The following GPS1 variants were observed in gnomAD, a reference collection of about 807,000 sequenced individuals.
The protein encoded by GPS1 is G protein pathway suppressor 1.
In GPS1, 11 loss-of-function variants were observed where a neutral mutation model predicts 60.0. The observed-to-expected ratio is 0.18, with a 90% CI of 0.12 to 0.30. GPS1 has a LOEUF of 0.30. Among genes scored for constraint, GPS1 ranks in the 10% least tolerant of loss-of-function variants. The pLI, the probability that GPS1 is intolerant of heterozygous loss-of-function variation, is 1.00. For synonymous variants in GPS1, 343 were observed against 269.8 expected (o/e 1.27, Z -2.66); for missense variants, 543 against 669.2 (o/e 0.81, Z 2.08).
At chr17:82,052,360 C>A (rs1252729102) in intron 1 of GPS1, 3 of 1,612,660 alleles carry the variant, frequency 1.9e-6, no homozygotes, top group Non-Finnish European at 2.5e-6. Context: ...CAGATCTGTA[C>A]TGCACCCCTC....
At position 82,056,464 on chromosome 17, in the gene GPS1, C is replaced by T. The variant is rs761392623; in HGVS notation, c.1036-6C>T. ...CTGTCCTGGTCCTGACCAGCCCCTT[C>T]CCCAGGACAACCTGCTCCTGGACAT... is the stretch of plus-strand genomic sequence containing the variant. On this transcript the variant is annotated splice_region_variant and splice_polypyrimidine_tract_variant and intron_variant, in intron 9 of 12. Coordinates refer to ENST00000578552, the MANE Select transcript of GPS1 (RefSeq NM_001321092.3). 4.3e-6 allele frequency: 7 copies of T among 1,613,150 alleles called. No individual in the cohort carries two copies. The highest frequency in any genetic ancestry group is 5.9e-6 in the Non-Finnish European group (7 of 1,179,972).
chr17:82,055,714 TCCCCG>T, intron 6 of GPS1, 21 bp from the exon 7 acceptor site: 1 of 612,336 alleles, frequency 1.6e-6, no homozygotes, highest in Non-Finnish European at 2.8e-6. Context: ...CTCTCCCCCC[TCCCCG>T]CCCCCGGCTC....
upstream of GPS1, chr17:82,051,242 G>C: frequency 7.5e-7 from 1 of 1,330,484 alleles, no homozygotes; most frequent in Non-Finnish European, 9.6e-7. This position sits in a 1 kb window ranked among gnomAD's most constrained non-coding sequence, Gnocchi z 4.1. Context: ...TTCGGAGCGA[G>C]AAAGGCTCGG....
chr17:82,054,208 T>C (rs1013112047), intron 3 of GPS1, 159 bp downstream of exon 3: 1 of 763,446 alleles, frequency 1.3e-6, no homozygotes, highest in South Asian at 2.0e-5. Context: ...GGAAGTGCCC[T>C]GTGTGTGTGT....
chr17:82,053,478 TGTC>T, intron 2 of GPS1, 112 bp downstream of exon 2: 2 of 794,970 alleles, frequency 2.5e-6, no homozygotes, highest in Non-Finnish European at 3.7e-6. Flanking sequence ...CAGTGATCGC[TGTC>T]GTCTTTTTCT....
At position 82,054,652 on chromosome 17, in the gene GPS1, AACTC is replaced by A; in HGVS notation, c.452_455del (p.Asn151ThrfsTer193). 3 of 1,610,948 alleles carry A rather than the reference AACTC, an allele frequency of 1.9e-6. No homozygotes were observed. The highest frequency in any genetic ancestry group is 2.5e-6 in the Non-Finnish European group (3 of 1,179,828). On this transcript the variant is annotated frameshift_variant, in exon 4 of 13. Transcript: ENST00000578552. LOFTEE classifies it high-confidence loss of function. ...CACAGACCTGAAGAACTACAAGGGC[AACTC>A]CATCAAAGAGAGCATCCGGCGCGGC...
At chr17:82,051,191 T>G (rs2055643155), upstream of GPS1, 1 of 1,304,368 alleles carries the variant, frequency 7.7e-7, no homozygotes, top group Non-Finnish European at 9.8e-7. This position sits in a 1 kb window ranked among gnomAD's most constrained non-coding sequence, Gnocchi z 4.1. Context: ...CTCGGGAGCC[T>G]GGGCAGAGAA....
chr17:82,051,318 C>T (rs1324349986), upstream of GPS1: 2 of 1,439,994 alleles, frequency 1.4e-6, no homozygotes, highest in South Asian at 1.7e-5. The surrounding 1 kb of genome is among the most constrained non-coding windows in gnomAD (Gnocchi z 4.1). Flanking sequence ...AGCTCAGGGT[C>T]GTCCCCGTCG....
chr17:82,052,070 G>C lies in GPS1; in HGVS notation c.33+106G>C, dbSNP rs2030797203. 4.3e-6 allele frequency: 4 copies of C among 933,084 alleles called. No homozygotes were observed. The South Asian group carries it at 2.0e-4, about 47-fold the overall frequency. The allele number at this position is 933,084 out of a possible 1,614,324, so 57.8% of individuals were successfully genotyped here. A position where few individuals can be genotyped will look rare whatever the true frequency, so the allele number is the denominator to read the frequency against. On this transcript the variant is annotated intron_variant, in intron 1 of 12. Transcript: ENST00000578552. ...CGGGGCCTGCGCCAGGAGTCGGTCG[G>C]GCACGCTCCGTGCCGGGCCTCCGCG...
intron 2 of GPS1, chr17:82,053,643 C>G (rs1262237200): frequency 3.5e-6 from 2 of 565,364 alleles, no homozygotes; most frequent in Non-Finnish European, 6.1e-6. Flanking sequence ...CCGAAAGCCC[C>G]CGGGTGCAGG....
rs1034426171 is a variant in GPS1, at chr17:82,052,757, A to G, written c.34-517A>G. 1.3e-5 allele frequency: 6 copies of G among 447,308 alleles called. No homozygotes were observed. In the East Asian group the frequency reaches 2.4e-4, roughly 18 times the overall value. 27.7% of individuals were successfully genotyped at this position (447,308 alleles called of 1,614,324 possible). On this transcript the variant is annotated intron_variant, in intron 1 of 12. Coordinates refer to ENST00000578552, the MANE Select transcript of GPS1 (RefSeq NM_001321092.3). ...TCTCTGTGTCTCCCAGCTGGGGGCC[A>G]TGAGGCTCCCTGAGATGACTCTTTT...
chr17:82,057,157 C>T lies in GPS1; in HGVS notation c.*30C>T, dbSNP rs140755185. The T allele has an allele frequency of 3.2e-3, 5,082 of 1,568,680 alleles. 11 individuals carry two copies. Among genetic ancestry groups the T allele is most frequent in the Admixed American group, 4.1e-3 (232 of 56,114 alleles). On this transcript the variant is annotated 3_prime_UTR_variant, in exon 13 of 13. Coordinates refer to ENST00000578552, the MANE Select transcript of GPS1 (RefSeq NM_001321092.3). ...TGAACCTTGGCCTCCAGGACATCTG[C>T]ACCCCCTCCCCACCTCCACGGACCT...
Position 82,055,229 on chromosome 17 carries a change from G to A in GPS1, c.748+7G>A, listed in dbSNP as rs1230420996. On this transcript the variant is annotated splice_region_variant and intron_variant, in intron 6 of 12. Coordinates refer to ENST00000578552, the MANE Select transcript of GPS1 (RefSeq NM_001321092.3). Reference sequence around the variant, plus strand: ...AAGCTCAAGTGTGCCGCAGGTGAGGGCCTGGGTCACGCCCAGCTGACCCCA... The same window carrying A: ...AAGCTCAAGTGTGCCGCAGGTGAGGACCTGGGTCACGCCCAGCTGACCCCA... The A allele has an allele frequency of 6.4e-7, 1 of 1,551,952 alleles. No individual in the cohort carries two copies. The highest frequency in any genetic ancestry group is 1.2e-5 in the South Asian group (1 of 84,188).
Position 82,054,021 on chromosome 17 carries a change from A to C in GPS1, c.280A>C (p.Ile94Leu), listed in dbSNP as rs565326582. The C allele has an allele frequency of 3.2e-5, 51 of 1,611,824 alleles. 1 individual carries two copies. The South Asian group carries it at 5.5e-4, about 17-fold the overall frequency. Residue 94 changes from isoleucine (I) to leucine (L), a missense_variant, in exon 3 of 13, where the codon ATC becomes CTC. Around this residue, in one of 3 missense-constraint regions of GPS1, gnomAD observed 181 missense variants for 188.8 expected, o/e 0.96. Coordinates refer to ENST00000578552, the MANE Select transcript of GPS1 (RefSeq NM_001321092.3). Reference sequence around the variant, plus strand: ...CTTTAACGTGGACATGTACGAGGAGATCCACCGCAAGCTCTCAGAGGCCAC... The same window carrying C: ...CTTTAACGTGGACATGTACGAGGAGCTCCACCGCAAGCTCTCAGAGGCCAC... ...RTFNVDMYEE[I>L]HRKLSEATRE...
At chr17:82,052,915 G>A (rs916162679) in intron 1 of GPS1, 6 of 250,728 alleles carry the variant, frequency 2.4e-5, no homozygotes, top group African/African-American at 6.7e-5. Flanking sequence ...TGGCTTGGAG[G>A]AAACTACATC....
upstream of GPS1, chr17:82,051,661 C>T (rs2030636820): frequency 2.0e-6 from 2 of 1,003,196 alleles, no homozygotes; most frequent in African/African-American, 1.8e-5. The surrounding 1 kb of genome is among the most constrained non-coding windows in gnomAD (Gnocchi z 4.1). Context: ...GGGGTCCGGG[C>T]CGGGGCGGGC....
intron 1 of GPS1, chr17:82,052,186 G>C: frequency 5.5e-6 from 7 of 1,274,736 alleles, no homozygotes; most frequent in East Asian, 3.2e-5. Context: ...CGCCCGCCCC[G>C]CCTCCCCTCC....
chr17:82,055,487 C>G, intron 6 of GPS1: 1 of 607,234 alleles, frequency 1.6e-6, no homozygotes, highest in Non-Finnish European at 2.9e-6. Context: ...CTGGGGTGTC[C>G]TTTGCAGCCC....
chr17:82,056,457 G>C lies in GPS1; in HGVS notation c.1036-13G>C. 1 of 1,613,128 alleles carries C rather than the reference G, an allele frequency of 6.2e-7. No individual in the cohort carries two copies. On this transcript the variant is annotated splice_polypyrimidine_tract_variant and intron_variant, in intron 9 of 12. Coordinates refer to ENST00000578552, the MANE Select transcript of GPS1 (RefSeq NM_001321092.3). ...TGGCCTCCTGTCCTGGTCCTGACCA[G>C]CCCCTTCCCCAGGACAACCTGCTCC...
Sources: allele counts gnomAD v4.1 joint callset, GRCh38; gene constraint gnomAD v4.1.1; regional missense constraint gnomAD v4.1.1; non-coding constraint Gnocchi (gnomAD v3.1); transcripts MANE v1.5; gene names NCBI Gene and HGNC (gene_info 2026-07-23, HGNC 2026-07-21).